EIF4G3: variants seen among roughly 807,000 people sequenced by gnomAD.
EIF4G3 encodes eIF-4-gamma 3.
A neutral mutation model predicts 186.4 loss-of-function variants in EIF4G3; 34 were observed. The ratio of observed to expected loss-of-function variants is 0.18; its 90% CI spans 0.14 to 0.24. The LOEUF (loss-of-function observed/expected upper bound fraction) is 0.24, where lower values mean the gene tolerates loss of function less well. Ranked by LOEUF, EIF4G3 falls within the 10% of genes least tolerant of loss-of-function variation. EIF4G3 has a pLI of 1.00. For missense variants in EIF4G3, 1,536 were observed against 1,948.5 expected (o/e 0.79, Z 3.99); for synonymous variants, 673 against 679.5 (o/e 0.99, Z 0.15).
intron 4 of EIF4G3, among the ~76,000 whole-genome samples, chr1:21,035,793 C>A (rs892209770): frequency 2.6e-5 from 4 of 152,184 alleles, no homozygotes; most frequent in African/African-American, 9.6e-5. Flanking sequence ...TGAGGCCCCA[C>A]CTTTTGCCAG....
At chr1:21,117,647 C>T (rs1383765087) in intron 2 of EIF4G3, among the ~76,000 whole-genome samples, 1 of 148,778 alleles carries the variant, frequency 6.7e-6, no homozygotes, top group Non-Finnish European at 1.5e-5. Flanking sequence ...AACAAAAGCC[C>T]TGTACACTGG....
At chr1:20,912,788 T>C (rs185997673) in intron 14 of EIF4G3, among the ~76,000 whole-genome samples, 1 of 152,322 alleles carries the variant, frequency 6.6e-6, no homozygotes, top group African/African-American at 2.4e-5. Flanking sequence ...TCTGATTAGA[T>C]AATATGCAAG....
chr1:21,097,676 C>T (rs540852017), intron 2 of EIF4G3, among the ~76,000 whole-genome samples: 199 of 152,236 alleles, frequency 1.3e-3, no homozygotes, highest in Non-Finnish European at 2.2e-3. Flanking sequence ...TGTAGTGAAT[C>T]GATTTTTCAC....
At chr1:21,164,994 T>A (rs976832309) in intron 2 of EIF4G3, among the ~76,000 whole-genome samples, 1 of 152,126 alleles carries the variant, frequency 6.6e-6, no homozygotes, top group African/African-American at 2.4e-5. Flanking sequence ...AATTAACAAC[T>A]GGGCAAAGGA....
chr1:20,849,792 A>T (rs555963453), intron 28 of EIF4G3, among the ~76,000 whole-genome samples: 2 of 152,168 alleles, frequency 1.3e-5, no homozygotes, highest in Non-Finnish European at 2.9e-5. Flanking sequence ...CTGTATTATG[A>T]TTGCTCCCCA....
chr1:20,926,931 T>C (rs542647163), intron 14 of EIF4G3, among the ~76,000 whole-genome samples: 101 of 152,184 alleles, frequency 6.6e-4, no homozygotes, highest in African/African-American at 2.2e-3. Context: ...CATATCAATA[T>C]GCATAAAGTA....
intron 29 of EIF4G3, chr1:20,847,970 T>A: frequency 2.8e-6 from 1 of 360,130 alleles, no homozygotes; most frequent in Non-Finnish European, 5.5e-6. Flanking sequence ...TAATATTTTC[T>A]TTTTTTTTGT....
chr1:20,826,238 C>T (rs1044128782), intron 32 of EIF4G3, among the ~76,000 whole-genome samples: 3 of 152,312 alleles, frequency 2.0e-5, no homozygotes, highest in Admixed American at 2.0e-4. Context: ...ACAATCTTGG[C>T]TCACTCCAAC....
chr1:21,171,994 C>A (rs186568227), intron 2 of EIF4G3, among the ~76,000 whole-genome samples: 4 of 151,946 alleles, frequency 2.6e-5, no homozygotes, highest in African/African-American at 4.8e-5. Context: ...AGGAAAAGAC[C>A]CACCACAGAT....
intron 2 of EIF4G3, among the ~76,000 whole-genome samples, chr1:21,168,569 T>C (rs891892411): frequency 1.3e-5 from 2 of 151,818 alleles, no homozygotes; most frequent in Non-Finnish European, 2.9e-5. Flanking sequence ...ACTACAGGCA[T>C]GCACTGCCAC....
At chr1:20,994,755 A>G (rs1245954186) in intron 7 of EIF4G3, among the ~76,000 whole-genome samples, 2 of 150,888 alleles carry the variant, frequency 1.3e-5, no homozygotes, top group Non-Finnish European at 3.0e-5. Flanking sequence ...AGCCTCCCAG[A>G]GTAGCTGGGA....
chr1:21,170,986 TAAATTA>T (rs1391328116), intron 2 of EIF4G3, among the ~76,000 whole-genome samples: 4 of 17,592 alleles, frequency 2.3e-4, no homozygotes, highest in Admixed American at 9.7e-4. Context: ...TCTAAAAAAA[TAAATTA>T]AAAAAAAAAA....
intron 25 of EIF4G3, among the ~76,000 whole-genome samples, chr1:20,855,809 C>G (rs1223109646): frequency 6.6e-6 from 1 of 152,084 alleles, no homozygotes; most frequent in Non-Finnish European, 1.5e-5. Flanking sequence ...ATATGTATAA[C>G]GGTTTTGTTC....
In EIF4G3 at chr1:20,984,559, T is replaced by C. The variant is rs1000761542; in HGVS notation, c.178-2151A>G. Among the ~76,000 whole-genome samples, 162 of 142,360 alleles carry C rather than the reference T, an allele frequency of 1.1e-3. 1 individual carries two copies. Among genetic ancestry groups the C allele is most frequent in the African/African-American group, 4.0e-3 (153 of 38,212 alleles). The allele number at this position is 142,360 out of a possible 152,430, so 93.4% of individuals were successfully genotyped here. On this transcript the variant is annotated intron_variant, in intron 7 of 36. Transcript: ENST00000602326. ...AACCTAAGCATTATATATATATATA[T>C]ACACACACACACACACACACACACA... is the stretch of plus-strand genomic sequence containing the variant.
intron 19 of EIF4G3, among the ~76,000 whole-genome samples, chr1:20,883,029 CT>C (rs1260487710): frequency 6.6e-6 from 1 of 151,458 alleles, no homozygotes; most frequent in Non-Finnish European, 1.5e-5. Context: ...CTACAGTGAG[CT>C]GTGACAGAGC....
In EIF4G3 at chr1:20,849,365, T is replaced by C. The variant is rs750122706; in HGVS notation, c.3888+50A>G. 1.8e-5 allele frequency: 19 copies of C among 1,033,646 alleles called. No homozygotes were observed. The Admixed American group carries it at 3.5e-4, about 19-fold the overall frequency. 64.0% of individuals were successfully genotyped at this position (1,033,646 alleles called of 1,614,324 possible). A position where few individuals can be genotyped will look rare whatever the true frequency, so the allele number is the denominator to read the frequency against. On this transcript the variant is annotated intron_variant, in intron 29 of 36. Transcript: ENST00000602326. ...TTTAGACCAGAACCAAGTTATTCTA[T>C]ACTATCAAAGGACTTACTGTGTGTG... is the stretch of plus-strand genomic sequence containing the variant.
At chr1:20,999,662 C>T (rs2083071915) in intron 6 of EIF4G3, 6 of 418,952 alleles carry the variant, frequency 1.4e-5, no homozygotes, top group South Asian at 1.1e-4. Flanking sequence ...AAAACCCCAA[C>T]TTAAGTTAGT....
At chr1:20,895,086 A>C (rs1399520740) in intron 17 of EIF4G3, among the ~76,000 whole-genome samples, 1 of 152,184 alleles carries the variant, frequency 6.6e-6, no homozygotes, top group Non-Finnish European at 1.5e-5. Flanking sequence ...CAACAAACAC[A>C]AAATTTTTTA....
Position 20,851,334 on chromosome 1 carries a change from G to T in EIF4G3, c.3696C>A (p.Thr1232=), listed in dbSNP as rs111282256. The T allele has an allele frequency of 3.0e-5, 48 of 1,614,022 alleles. No homozygotes were observed. The African/African-American group carries it at 3.3e-4, about 11-fold the overall frequency. ...CCACACCTCCTGTGAGCTGCTTCAC[G>T]GTCTCCAGCATCTCTCTCCGCTGCT... ...QEEQRREMLE[T]VKQLTGGVDV... Residue 1232 remains threonine, a synonymous_variant, in exon 28 of 37, where the codon ACC becomes ACA. Coordinates refer to ENST00000602326, the MANE Select transcript of EIF4G3 (RefSeq NM_001391906.1).
Sources: allele counts gnomAD v4.1 joint callset (sites outside exome capture counted in the v4.1 genomes callset), GRCh38; gene constraint gnomAD v4.1.1; transcripts MANE v1.5; gene names NCBI Gene and HGNC (gene_info 2026-07-23, HGNC 2026-07-21).